Variants in DTWD1 observed in about 807,000 individuals in gnomAD.
DTWD1 encodes the protein tRNA-uridine aminocarboxypropyltransferase 1.
Under a neutral mutation model 30.2 loss-of-function variants are expected in DTWD1, and 27 were observed. The observed-to-expected ratio is 0.90, with a 90% CI of 0.66 to 1.23. The LOEUF is 1.23. Ranked by LOEUF, DTWD1 falls within the 50% of genes most tolerant of loss-of-function variation. DTWD1 has a pLI of 0.00. For missense variants in DTWD1, 342 were observed against 348.8 expected (o/e 0.98, Z 0.15); for synonymous variants, 99 against 113.1 (o/e 0.88, Z 0.79).
rs1014728360 is a variant in DTWD1, at chr15:49,652,432, G to A, written c.*8854G>A. 6.6e-6 allele frequency: 1 copy of A among 152,124 alleles called. No homozygotes were observed. Among genetic ancestry groups the A allele is most frequent in the Non-Finnish European group, 1.5e-5 (1 of 68,032 alleles). The allele number at this position is 152,124 out of a possible 1,614,324, so 9.4% of individuals were successfully genotyped here. ...ATAAACCTACCAAATTGAGACTAAT[G>A]TGTAGGTGTGGCAACCCATCCTCAA... On this transcript the variant is annotated 3_prime_UTR_variant, in exon 5 of 5. Transcript: ENST00000403028.
intron 3 of DTWD1, among the ~76,000 whole-genome samples, chr15:49,632,519 T>A (rs2078936832): frequency 6.6e-6 from 1 of 152,256 alleles, no homozygotes; most frequent in South Asian, 2.1e-4. Flanking sequence ...CTGCATTTTA[T>A]AGCTCTTCTG....
Position 49,647,078 on chromosome 15 carries a change from A to G in DTWD1, c.*3500A>G, listed in dbSNP as rs960690066. On this transcript the variant is annotated 3_prime_UTR_variant, in exon 5 of 5. Transcript: ENST00000403028. ...AAGAGATTTAGAGAAGCAGTGACTA[A>G]CTAGGTCAGCCGGAGATTCTCAAAG... is the stretch of plus-strand genomic sequence containing the variant. 1.4e-4 allele frequency: 21 copies of G among 152,212 alleles called. No homozygotes were observed. The highest frequency in any genetic ancestry group is 5.1e-4 in the African/African-American group (21 of 41,464). 9.4% of individuals were successfully genotyped at this position (152,212 alleles called of 1,614,324 possible).
chr15:49,649,016 A>G lies in DTWD1; in HGVS notation c.*5438A>G, dbSNP rs2079137196. ...AATAATAGGAGTAACAGAATGGGAAAGGCGTGGAAAAAAATTTGTGATTTC... is the reference window on the plus strand; with the variant it reads ...AATAATAGGAGTAACAGAATGGGAAGGGCGTGGAAAAAAATTTGTGATTTC... On this transcript the variant is annotated 3_prime_UTR_variant, in exon 5 of 5. Coordinates refer to ENST00000403028, the MANE Select transcript of DTWD1 (RefSeq NM_001144955.2). 2 of 152,306 alleles carry G rather than the reference A, an allele frequency of 1.3e-5. 1 individual carries two copies. Among genetic ancestry groups the G allele is most frequent in the South Asian group, 4.1e-4 (2 of 4,830 alleles). 9.4% of individuals were successfully genotyped at this position (152,306 alleles called of 1,614,324 possible).
At position 49,623,424 on chromosome 15, in the gene DTWD1, A is replaced by G. The variant is rs973607813; in HGVS notation, c.-55-1689A>G. Among the ~76,000 whole-genome samples the G allele has an allele frequency of 2.2e-4, 33 of 148,476 alleles. 1 individual carries two copies. The highest frequency in any genetic ancestry group is 5.9e-4 in the Admixed American group (9 of 15,160). On this transcript the variant is annotated intron_variant, in intron 1 of 4. Transcript: ENST00000403028. ...TGGGGACTATTAGGATCTCTTCCCA[A>G]GCTTTTTTTTTTTCTCTGTTTTAGA...
rs374573798 is a variant in DTWD1, at chr15:49,652,041, G to T, written c.*8463G>T. 3 of 152,122 alleles carry T rather than the reference G, an allele frequency of 2.0e-5. No homozygotes were observed. The East Asian group carries it at 5.9e-4, about 30-fold the overall frequency. The allele number at this position is 152,122 out of a possible 1,614,324, so 9.4% of individuals were successfully genotyped here. The stretch of plus-strand genomic sequence containing the variant: ...TATATAGCATGTGCCCCAATATGAA[G>T]AATAAATGGGTCTTGGAACCCATTT... On this transcript the variant is annotated 3_prime_UTR_variant, in exon 5 of 5. Transcript: ENST00000403028.
rs1359151823 is a variant in DTWD1, at chr15:49,650,762, G to A, written c.*7184G>A. 2.6e-5 allele frequency: 4 copies of A among 151,898 alleles called. No individual in the cohort carries two copies. Among genetic ancestry groups the A allele is most frequent in the African/African-American group, 9.7e-5 (4 of 41,182 alleles). The allele number at this position is 151,898 out of a possible 1,614,324, so 9.4% of individuals were successfully genotyped here. A position where few individuals can be genotyped will look rare whatever the true frequency, so the allele number is the denominator to read the frequency against. On this transcript the variant is annotated 3_prime_UTR_variant, in exon 5 of 5. Coordinates refer to ENST00000403028, the MANE Select transcript of DTWD1 (RefSeq NM_001144955.2). Reference sequence around the variant, plus strand: ...ACTGTCAGGCAAAACCTTCCTCAGAGCTCCCTCTATTACAACTTAATTTCT... The same window carrying A: ...ACTGTCAGGCAAAACCTTCCTCAGAACTCCCTCTATTACAACTTAATTTCT...
intron 2 of DTWD1, among the ~76,000 whole-genome samples, chr15:49,631,719 C>G (rs2078923534): frequency 6.6e-6 from 1 of 152,168 alleles, no homozygotes; most frequent in Non-Finnish European, 1.5e-5. Flanking sequence ...CGAGATCACA[C>G]CACTGCACTG....
chr15:49,627,218 C>G (rs758373382), intron 2 of DTWD1, among the ~76,000 whole-genome samples: 4 of 152,100 alleles, frequency 2.6e-5, no homozygotes, highest in Non-Finnish European at 5.9e-5. Flanking sequence ...TCTCAATGGT[C>G]TGGACTGTGC....
At chr15:49,638,767 A>G (rs987971775) in intron 4 of DTWD1, among the ~76,000 whole-genome samples, 1 of 152,150 alleles carries the variant, frequency 6.6e-6, no homozygotes, top group Non-Finnish European at 1.5e-5. Context: ...TGTTTTGCCA[A>G]ATTTTTACAG....
At chr15:49,621,466 A>G (rs2078705928) in intron 1 of DTWD1, 1 of 152,000 alleles carries the variant, frequency 6.6e-6, no homozygotes, top group Non-Finnish European at 1.5e-5. Context: ...TATTTTTAGT[A>G]TTTGGAGTGG....
intron 4 of DTWD1, among the ~76,000 whole-genome samples, chr15:49,638,446 C>G (rs372554521): frequency 2.6e-5 from 4 of 152,244 alleles, no homozygotes; most frequent in South Asian, 4.1e-4. Flanking sequence ...TCTGCATGAC[C>G]TACTTCAACC....
chr15:49,642,929 TAAAC>T (rs1456193401), intron 4 of DTWD1, among the ~76,000 whole-genome samples: 2 of 151,858 alleles, frequency 1.3e-5, no homozygotes, highest in Non-Finnish European at 2.9e-5. Context: ...CATCTCTAAA[TAAAC>T]AAAAAAGTCA....
chr15:49,639,097 A>T (rs2079035879), intron 4 of DTWD1, among the ~76,000 whole-genome samples: 1 of 151,930 alleles, frequency 6.6e-6, no homozygotes, highest in Admixed American at 6.6e-5. Context: ...CCTAAACTAC[A>T]CTCCCTGTCA....
At position 49,653,330 on chromosome 15, in the gene DTWD1, A is replaced by T. The variant is rs762109541; in HGVS notation, c.*9752A>T. The T allele has an allele frequency of 6.6e-6, 1 of 152,138 alleles. No homozygotes were observed. Among genetic ancestry groups the T allele is most frequent in the Non-Finnish European group, 1.5e-5 (1 of 68,000 alleles). The allele number at this position is 152,138 out of a possible 1,614,324, so 9.4% of individuals were successfully genotyped here. ...CTATTGTTGGCTTTACAGGTGAGTG[A>T]TAGGAACCACAAGCCCCAAGCAGCC... is the stretch of plus-strand genomic sequence containing the variant. On this transcript the variant is annotated 3_prime_UTR_variant, in exon 5 of 5. Transcript: ENST00000403028.
chr15:49,629,613 C>T (rs1482032707), intron 2 of DTWD1: 2 of 152,000 alleles, frequency 1.3e-5, no homozygotes, highest in African/African-American at 4.8e-5. Context: ...GCTCAGAGAC[C>T]CTAGGGAGAG....
intron 1 of DTWD1, among the ~76,000 whole-genome samples, chr15:49,621,679 G>A (rs2078718380): frequency 6.6e-6 from 1 of 152,176 alleles, no homozygotes; most frequent in Non-Finnish European, 1.5e-5. Context: ...CACAAAGTTG[G>A]ATGGTAAAAT....
chr15:49,623,476 C>G (rs1057090655), intron 1 of DTWD1, among the ~76,000 whole-genome samples: 3 of 151,746 alleles, frequency 2.0e-5, no homozygotes, highest in African/African-American at 7.3e-5. Context: ...GTTGTCCAGA[C>G]TGTTCTCAAA....
chr15:49,623,374 A>G (rs2078795119), intron 1 of DTWD1, among the ~76,000 whole-genome samples: 1 of 152,108 alleles, frequency 6.6e-6, no homozygotes, highest in Admixed American at 6.5e-5. Context: ...AGAGACGCCA[A>G]CAGAGCATTT....
rs548078474 is a variant in DTWD1, at chr15:49,642,126, T to C, written c.668-1205T>C. On this transcript the variant is annotated intron_variant, in intron 4 of 4. Coordinates refer to ENST00000403028, the MANE Select transcript of DTWD1 (RefSeq NM_001144955.2). ...TATTTCTTTTATTATTTATTTCTTGTCTCTGCTACATTTTACATTGAGTAA... is the reference window on the plus strand; with the variant it reads ...TATTTCTTTTATTATTTATTTCTTGCCTCTGCTACATTTTACATTGAGTAA... Among the ~76,000 whole-genome samples, 4 of 152,330 alleles carry C rather than the reference T, an allele frequency of 2.6e-5. No individual in the cohort carries two copies. The East Asian group carries it at 7.7e-4, about 29-fold the overall frequency.
Sources: allele counts gnomAD v4.1 joint callset (sites outside exome capture counted in the v4.1 genomes callset), GRCh38; gene constraint gnomAD v4.1.1; transcripts MANE v1.5; gene names NCBI Gene and HGNC (gene_info 2026-07-23, HGNC 2026-07-21).